The following STXBP5L variants were observed in gnomAD, a reference collection of about 807,000 sequenced individuals.
STXBP5L encodes syntaxin-binding protein 5-like.
A neutral mutation model predicts 144.5 loss-of-function variants in STXBP5L; 65 were observed. That is an observed-to-expected ratio of 0.45 (90% confidence interval 0.37 to 0.55). The LOEUF (loss-of-function observed/expected upper bound fraction) is 0.55, where lower values mean the gene tolerates loss of function less well. STXBP5L is among the 20% of genes least tolerant of loss of function. STXBP5L has a pLI of 0.00. For synonymous variants in STXBP5L, 505 were observed against 469.6 expected, an observed-to-expected ratio of 1.08 and a Z score of -0.97; for missense variants, 1,298 against 1,405.5, an observed-to-expected ratio of 0.92 and a Z score of 1.22.
At chr3:120,968,069 A>G (rs1041489190) in intron 3 of STXBP5L, among the ~76,000 whole-genome samples, 1 of 152,180 alleles carries the variant, frequency 6.6e-6, no homozygotes, top group Non-Finnish European at 1.5e-5. Flanking sequence ...AAAAATGTGT[A>G]TTCTGCGGCT....
chr3:120,966,334 C>A (rs1016919515), intron 3 of STXBP5L, among the ~76,000 whole-genome samples: 1 of 152,188 alleles, frequency 6.6e-6, no homozygotes, highest in Admixed American at 6.5e-5. Flanking sequence ...TGGCGAGGAG[C>A]TGTGATCCTT....
In STXBP5L at chr3:120,947,377, A is replaced by C. The variant is rs1710929504; in HGVS notation, c.190-7563A>C. 2.0e-5 allele frequency among the ~76,000 whole-genome samples: 3 copies of C among 151,770 alleles called. No homozygotes were observed. In the South Asian group the frequency reaches 6.2e-4, roughly 31 times the overall value. On this transcript the variant is annotated intron_variant, in intron 2 of 26. Coordinates refer to ENST00000471454, the MANE Select transcript of STXBP5L (RefSeq NM_001308330.2). ...TCTTTTGAAATCAACTAGGTACCCC[A>C]ACTGATGTCAACTTTTTATTGCATA...
chr3:120,995,501 A>C (rs532165597), intron 3 of STXBP5L, among the ~76,000 whole-genome samples: 1 of 151,662 alleles, frequency 6.6e-6, no homozygotes, highest in Admixed American at 6.6e-5. Context: ...CTTGTGCATT[A>C]ATTGAACATT....
chr3:121,089,210 T>C (rs2042654616), intron 5 of STXBP5L, among the ~76,000 whole-genome samples: 1 of 151,068 alleles, frequency 6.6e-6, no homozygotes. Flanking sequence ...TTTTTTCCCA[T>C]ACTTGATTTT....
intron 9 of STXBP5L, among the ~76,000 whole-genome samples, chr3:121,198,545 T>C (rs956796616): frequency 5.3e-5 from 8 of 152,262 alleles, no homozygotes; most frequent in Admixed American, 5.2e-4. Flanking sequence ...GTTTTAGTCA[T>C]GAAGTCTTTG....
chr3:120,989,116 T>C (rs181623098), intron 3 of STXBP5L, among the ~76,000 whole-genome samples: 10 of 152,300 alleles, frequency 6.6e-5, no homozygotes, highest in African/African-American at 2.2e-4. Context: ...TGACTTGTGC[T>C]GTGCTAAATG....
At chr3:121,188,301 G>A (rs1021812250) in intron 9 of STXBP5L, among the ~76,000 whole-genome samples, 2 of 152,108 alleles carry the variant, frequency 1.3e-5, no homozygotes, top group Non-Finnish European at 2.9e-5. Context: ...GCACTCCTCA[G>A]CAAATGTAAA....
At chr3:121,416,105 T>C in intron 25 of STXBP5L, 137 bp downstream of exon 25, 1 of 626,070 alleles carries the variant, frequency 1.6e-6, no homozygotes, top group Non-Finnish European at 2.7e-6. Context: ...TCTTAAAGTT[T>C]GAATATTTGT....
chr3:121,296,301 A>T (rs777170420), intron 19 of STXBP5L, among the ~76,000 whole-genome samples: 1 of 152,194 alleles, frequency 6.6e-6, no homozygotes, highest in Non-Finnish European at 1.5e-5. Flanking sequence ...TTAGTAGAAT[A>T]CCTACTAATG....
At chr3:120,982,553 C>A (rs1324991919) in intron 3 of STXBP5L, among the ~76,000 whole-genome samples, 1 of 152,174 alleles carries the variant, frequency 6.6e-6, no homozygotes. Flanking sequence ...TACCTCCAGG[C>A]CACAGTGTAA....
In STXBP5L at chr3:121,381,888, A is replaced by C. The variant is rs190762337; in HGVS notation, c.2587+356A>C. ...AAGTTCCATGCCAGATCAGAGCATG[A>C]GTGTTTTTACATCATCCTTGAAGAA... On this transcript the variant is annotated intron_variant, in intron 22 of 26. Coordinates refer to ENST00000471454, the MANE Select transcript of STXBP5L (RefSeq NM_001308330.2). Among the ~76,000 whole-genome samples, 550 of 152,278 alleles carry C rather than the reference A, an allele frequency of 3.6e-3. 2 individuals carry two copies. The highest frequency in any genetic ancestry group is 0.013 in the African/African-American group (525 of 41,564).
intron 5 of STXBP5L, among the ~76,000 whole-genome samples, chr3:121,102,380 C>T (rs1468453322): frequency 6.6e-6 from 1 of 152,026 alleles, no homozygotes; most frequent in Non-Finnish European, 1.5e-5. Flanking sequence ...ACCAATGGAA[C>T]AGAATAGAGA....
chr3:121,126,426 G>T (rs763998396), intron 7 of STXBP5L, among the ~76,000 whole-genome samples: 1 of 152,104 alleles, frequency 6.6e-6, no homozygotes, highest in Non-Finnish European at 1.5e-5. Context: ...TTTGAAGTTA[G>T]GTTGTCTCCT....
intron 5 of STXBP5L, among the ~76,000 whole-genome samples, chr3:121,091,544 T>C (rs2042796152): frequency 6.6e-6 from 1 of 152,222 alleles, no homozygotes; most frequent in Non-Finnish European, 1.5e-5. Flanking sequence ...GGTGAGCATT[T>C]TTTCATGTGT....
chr3:121,343,263 G>A (rs1262124525), intron 20 of STXBP5L, among the ~76,000 whole-genome samples: 4 of 151,974 alleles, frequency 2.6e-5, no homozygotes, highest in East Asian at 1.9e-4. Context: ...AGATGGGTAG[G>A]TTGCGAAAAT....
chr3:121,032,671 A>G (rs1946456943), intron 3 of STXBP5L, among the ~76,000 whole-genome samples: 1 of 118,144 alleles, frequency 8.5e-6, no homozygotes, highest in Non-Finnish European at 1.7e-5. Context: ...CAACCTACTC[A>G]TCTGACAAAG....
intron 3 of STXBP5L, among the ~76,000 whole-genome samples, chr3:120,975,060 T>A (rs1398920672): frequency 6.6e-6 from 1 of 152,280 alleles, no homozygotes. Flanking sequence ...TTTAAAGTAG[T>A]TTTTTCCAAT....
At chr3:121,266,340 A>G (rs536789292) in intron 18 of STXBP5L, among the ~76,000 whole-genome samples, 5 of 152,240 alleles carry the variant, frequency 3.3e-5, no homozygotes, top group Non-Finnish European at 7.3e-5. Flanking sequence ...AAATCAATAA[A>G]CGTAATCCAT....
At chr3:121,353,844 A>T (rs1180639301) in intron 20 of STXBP5L, among the ~76,000 whole-genome samples, 12 of 152,128 alleles carry the variant, frequency 7.9e-5, no homozygotes, top group Admixed American at 7.9e-4. Context: ...CCCTCTACAC[A>T]CTGCTTTAAA....
Sources: gnomAD v4.1 joint callset for allele counts (sites outside exome capture counted in the v4.1 genomes callset) on GRCh38, gnomAD v4.1.1 for gene constraint, MANE v1.5 for transcripts, NCBI Gene and HGNC (gene_info 2026-07-23, HGNC 2026-07-21) for gene names.